PIGN: variants seen among roughly 807,000 people sequenced by gnomAD.
The protein encoded by PIGN is phosphatidylinositol glycan anchor biosynthesis class N, also known as GPI ethanolamine phosphate transferase 1.
A neutral mutation model predicts 125.4 loss-of-function variants in PIGN; 117 were observed. That is an observed-to-expected ratio of 0.93 (90% confidence interval 0.80 to 1.09). The LOEUF is 1.09. Ranked by LOEUF, PIGN falls within the 50% of genes least tolerant of loss-of-function variation. PIGN has a pLI of 0.00. For synonymous variants in PIGN, 392 were observed against 377.8 expected, an observed-to-expected ratio of 1.04 and a Z score of -0.44; for missense variants, 1,075 against 1,094.9, an observed-to-expected ratio of 0.98 and a Z score of 0.26.
At chr18:62,150,976 A>G (rs2065472457) in intron 7 of PIGN, among the ~76,000 whole-genome samples, 1 of 152,200 alleles carries the variant, frequency 6.6e-6, no homozygotes, top group Non-Finnish European at 1.5e-5. Context: ...CTGGGATTAC[A>G]GGTGTGAGCC....
At chr18:62,091,015 A>G (rs1331845921) in intron 23 of PIGN, among the ~76,000 whole-genome samples, 1 of 152,188 alleles carries the variant, frequency 6.6e-6, no homozygotes, top group Non-Finnish European at 1.5e-5. Flanking sequence ...TAACATATGG[A>G]AATGAAAACA....
At chr18:62,143,221 ATAT>A (rs1825880383) in intron 11 of PIGN, 82 bp downstream of exon 11, 2 of 718,612 alleles carry the variant, frequency 2.8e-6, no homozygotes, top group African/African-American at 1.8e-5. Flanking sequence ...GTCAATATTA[ATAT>A]TATCTCTTTT....
chr18:62,172,702 CTAAGT>C (rs367654838), intron 1 of PIGN, among the ~76,000 whole-genome samples: 147 of 152,264 alleles, frequency 9.7e-4, no homozygotes, highest in African/African-American at 3.3e-3. Flanking sequence ...CACTGCTTTG[CTAAGT>C]TAAGTATCAA....
intron 1 of PIGN, among the ~76,000 whole-genome samples, chr18:62,165,095 T>C (rs2037084774): frequency 6.6e-6 from 1 of 152,208 alleles, no homozygotes; most frequent in African/African-American, 2.4e-5. Flanking sequence ...GGTGCTATTC[T>C]CACAGCACTG....
intron 30 of PIGN, among the ~76,000 whole-genome samples, chr18:62,065,255 G>A (rs1170591695): frequency 6.6e-6 from 1 of 151,724 alleles, no homozygotes; most frequent in Non-Finnish European, 1.5e-5. Context: ...CATTATTACA[G>A]AGGTAGAGAA....
At chr18:62,047,696 T>C (rs1033302987) in intron 30 of PIGN, among the ~76,000 whole-genome samples, 4 of 152,064 alleles carry the variant, frequency 2.6e-5, no homozygotes, top group African/African-American at 9.7e-5. Context: ...TCCCCTGCCA[T>C]AGGAATGTCA....
chr18:62,148,853 T>A (rs1599635019), intron 7 of PIGN, among the ~76,000 whole-genome samples: 1 of 152,098 alleles, frequency 6.6e-6, no homozygotes, highest in Non-Finnish European at 1.5e-5. Flanking sequence ...GTTCTTCAAA[T>A]CATGTAACAG....
chr18:62,060,375 C>A (rs947024484), intron 30 of PIGN, among the ~76,000 whole-genome samples: 1 of 152,060 alleles, frequency 6.6e-6, no homozygotes, highest in East Asian at 1.9e-4. Context: ...TCAACCTGCA[C>A]AATGGTGACA....
intron 30 of PIGN, among the ~76,000 whole-genome samples, chr18:62,066,657 C>T (rs1333009321): frequency 6.6e-6 from 1 of 152,138 alleles, no homozygotes; most frequent in African/African-American, 2.4e-5. Flanking sequence ...AGATAAACAA[C>T]TGTTGGGTAT....
intron 15 of PIGN, among the ~76,000 whole-genome samples, chr18:62,113,569 A>G (rs886632239): frequency 6.6e-6 from 1 of 152,146 alleles, no homozygotes; most frequent in African/African-American, 2.4e-5. Context: ...TTTGTGTTGT[A>G]TATGTGTGTT....
chr18:62,178,898 T>G lies in PIGN; in HGVS notation c.-236+7946A>C, dbSNP rs1036715659. Among the ~76,000 whole-genome samples the G allele has an allele frequency of 3.9e-5, 6 of 152,292 alleles. No homozygotes were observed. The East Asian group carries it at 9.6e-4, about 24-fold the overall frequency. ...GAGTTCAAAATCTTTTATCTGTATC[T>G]CACATCCTTTTTCTGTTCCAGAAAC... On this transcript the variant is annotated intron_variant, in intron 1 of 30. Transcript: ENST00000640252.
At chr18:62,178,257 CTCT>C (rs1256658835) in intron 1 of PIGN, among the ~76,000 whole-genome samples, 3 of 152,038 alleles carry the variant, frequency 2.0e-5, no homozygotes, top group Admixed American at 6.6e-5. Flanking sequence ...TTCAGCTGCC[CTCT>C]TCTTCATTAT....
chr18:62,110,119 C>T, intron 16 of PIGN, 146 bp from the exon 17 acceptor site: 1 of 663,722 alleles, frequency 1.5e-6, no homozygotes, highest in Non-Finnish European at 2.4e-6. Context: ...TGCATTAAGA[C>T]AAGGAAAAAA....
downstream of PIGN, among the ~76,000 whole-genome samples, chr18:62,039,814 G>A (rs1421204058): frequency 2.4e-5 from 1 of 41,662 alleles, no homozygotes; most frequent in Non-Finnish European, 4.3e-5. Flanking sequence ...GGGCCCCATC[G>A]ACGATGCCGC....
chr18:62,145,952 G>T lies in PIGN; in HGVS notation c.879C>A (p.Pro293=). The change falls in exon 10 of 31, where the codon CCC becomes CCA. Residue 293 remains proline, a synonymous_variant. Coordinates refer to ENST00000640252, the MANE Select transcript of PIGN (RefSeq NM_176787.5). ...LVTWGAGIKY[P]QRVSAQQFDD... is the part of the protein sequence containing the mutation. ...CAAATTGCTGAGCTGATACTCTTTG[G>T]GGATACTTGATTCCAGCTCCCCAAG... 6.2e-7 allele frequency: 1 copy of T among 1,608,412 alleles called. No homozygotes were observed. The highest frequency in any genetic ancestry group is 2.2e-5 in the East Asian group (1 of 44,706).
intron 15 of PIGN, among the ~76,000 whole-genome samples, chr18:62,113,654 C>T (rs1235761306): frequency 6.6e-6 from 1 of 151,868 alleles, no homozygotes; most frequent in Non-Finnish European, 1.5e-5. Flanking sequence ...ATGATAATGG[C>T]CATATTTATA....
At chr18:62,110,016 G>A (rs1351464563) in intron 16 of PIGN, 43 bp from the exon 17 acceptor site, 2 of 1,590,268 alleles carry the variant, frequency 1.3e-6, no homozygotes, top group African/African-American at 2.7e-5. Flanking sequence ...CAAACCAATG[G>A]TAATTGATAG....
chr18:62,065,118 C>T (rs1301889791), intron 30 of PIGN, among the ~76,000 whole-genome samples: 1 of 152,182 alleles, frequency 6.6e-6, no homozygotes, highest in Non-Finnish European at 1.5e-5. Context: ...TTCTTTCTCT[C>T]TCTCTCTCCC....
rs764672734 is a variant in PIGN at position 62,109,852 on chromosome 18, C to T, written c.1556G>A (p.Trp519Ter). ...TACTTACTCTCTTAGAACCGCATAC[C>T]ATATTGGCAGTGGCAACAAACCATA... is the stretch of plus-strand genomic sequence containing the variant. ...YVYGLLPLPIWYAVLREFQVI... is the reference protein window; with the variant it reads ...YVYGLLPLPI Residue 519 changes from tryptophan (W) to a stop codon, truncating the protein, a stop_gained, in exon 17 of 31, where the codon TGG (tryptophan) becomes TAG (stop). Transcript: ENST00000640252. LOFTEE classifies it high-confidence loss of function. 4.3e-6 allele frequency: 7 copies of T among 1,611,518 alleles called. No individual in the cohort carries two copies. Among genetic ancestry groups the T allele is most frequent in the African/African-American group, 1.3e-5 (1 of 74,774 alleles).
Sources: gnomAD v4.1 joint callset for allele counts (sites outside exome capture counted in the v4.1 genomes callset) on GRCh38, gnomAD v4.1.1 for gene constraint, MANE v1.5 for transcripts, NCBI Gene and HGNC (gene_info 2026-07-23, HGNC 2026-07-21) for gene names.